Variants in VPS13A observed in about 807,000 individuals in gnomAD.
VPS13A encodes the protein vacuolar protein sorting 13 homolog A.
A neutral mutation model predicts 390.9 loss-of-function variants in VPS13A; 264 were observed. The ratio of observed to expected loss-of-function variants is 0.68; its 90% CI spans 0.61 to 0.75. The LOEUF (loss-of-function observed/expected upper bound fraction) is 0.75, where lower values mean the gene tolerates loss of function less well. Ranked by LOEUF, VPS13A falls within the 30% of genes least tolerant of loss-of-function variation. The pLI, the probability that VPS13A is intolerant of heterozygous loss-of-function variation, is 0.00. For missense variants in VPS13A, 3,409 were observed against 3,733.9 expected (o/e 0.91, Z 2.27); for synonymous variants, 1,231 against 1,227.1 (o/e 1.00, Z -0.07).
intron 67 of VPS13A, among the ~76,000 whole-genome samples, chr9:77,377,590 A>G (rs889177916): frequency 1.3e-5 from 2 of 152,284 alleles, no homozygotes; most frequent in Non-Finnish European, 2.9e-5. Context: ...AGTTTCTGCA[A>G]TCTTACTGAA....
intron 67 of VPS13A, among the ~76,000 whole-genome samples, chr9:77,371,664 T>A (rs1051387939): frequency 1.5e-4 from 23 of 152,044 alleles, no homozygotes; most frequent in East Asian, 5.8e-4. Flanking sequence ...ATTTTTTTTT[T>A]TTATTATTAT....
In VPS13A at chr9:77,379,874, T is replaced by C. The variant is rs1004016069; in HGVS notation, c.9078-2102T>C. ...GACATCTGTTGGGTCTAGTGGATTA[T>C]AGTGTTATTCAAGTTCTCTTTTTTC... On this transcript the variant is annotated intron_variant, in intron 67 of 71. Coordinates refer to ENST00000360280, the MANE Select transcript of VPS13A (RefSeq NM_033305.3). 2.6e-5 allele frequency among the ~76,000 whole-genome samples: 4 copies of C among 152,222 alleles called. No homozygotes were observed. The East Asian group carries it at 7.7e-4, about 29-fold the overall frequency.
rs745347118 is a variant in VPS13A, at chr9:77,351,439, A to G, written c.7412A>G (p.Gln2471Arg). ...AGAAAAAGCCATGGTGAAGTAACAC[A>G]GAAGGATGTAAGTATTGGGTTATTA... ...RCRKSHGEVT[Q>R]KDDMMMPIDL... The change falls in exon 53 of 72, where the codon CAG becomes CGG. Residue 2471 changes from glutamine (Q) to arginine (R), a missense_variant. Physicochemically the swap from Gln to Arg is conservative, Grantham distance 43. Transcript: ENST00000360280. 1.2e-6 allele frequency: 2 copies of G among 1,613,378 alleles called. No individual in the cohort carries two copies. The highest frequency in any genetic ancestry group is 1.7e-6 in the Non-Finnish European group (2 of 1,179,484).
chr9:77,201,527 G>A (rs1485863866), intron 3 of VPS13A, 120 bp downstream of exon 3: 1 of 951,450 alleles, frequency 1.1e-6, no homozygotes, highest in African/African-American at 1.6e-5. Context: ...AAATAATCAT[G>A]TGTTTTTGTC....
At chr9:77,306,123 A>G (rs1454515344) in intron 34 of VPS13A, among the ~76,000 whole-genome samples, 1 of 152,232 alleles carries the variant, frequency 6.6e-6, no homozygotes, top group African/African-American at 2.4e-5. Flanking sequence ...GAAGGAATGA[A>G]AGCTTAAAAA....
chr9:77,206,128 C>T, intron 5 of VPS13A, 49 bp downstream of exon 5: 1 of 1,219,124 alleles, frequency 8.2e-7, no homozygotes, highest in South Asian at 1.4e-5. Flanking sequence ...TAGAAAAGAC[C>T]TAAATATTTA....
intron 46 of VPS13A, among the ~76,000 whole-genome samples, chr9:77,334,224 T>C (rs929728281): frequency 6.6e-6 from 1 of 152,324 alleles, no homozygotes; most frequent in African/African-American, 2.4e-5. Flanking sequence ...TGTTGGAAGA[T>C]AAAATTTGAA....
intron 45 of VPS13A, among the ~76,000 whole-genome samples, chr9:77,328,835 G>A (rs1000816476): frequency 1.3e-5 from 2 of 152,160 alleles, no homozygotes; most frequent in Admixed American, 1.3e-4. Context: ...TCATACTGCT[G>A]TAAAGAACTG....
chr9:77,274,103 A>G (rs912224743), intron 24 of VPS13A, among the ~76,000 whole-genome samples: 7 of 152,302 alleles, frequency 4.6e-5, no homozygotes, highest in Non-Finnish European at 1.0e-4. Flanking sequence ...TGCTTTTGCA[A>G]TGGGATTTTT....
At chr9:77,398,422 T>C (rs1056914336) in intron 68 of VPS13A, among the ~76,000 whole-genome samples, 1 of 152,202 alleles carries the variant, frequency 6.6e-6, no homozygotes, top group Admixed American at 6.5e-5. Context: ...AATTTAGATT[T>C]AGAAGATTCA....
intron 42 of VPS13A, 124 bp from the exon 43 acceptor site, chr9:77,321,045 A>G (rs1026637518): frequency 2.8e-5 from 25 of 880,924 alleles, no homozygotes; most frequent in African/African-American, 1.4e-4. Flanking sequence ...CAATAAGGCA[A>G]TAGAACTTAC....
At chr9:77,347,540 G>C (rs1474486300) in intron 52 of VPS13A, among the ~76,000 whole-genome samples, 1 of 151,932 alleles carries the variant, frequency 6.6e-6, no homozygotes, top group Non-Finnish European at 1.5e-5. Flanking sequence ...GCAGTGGTGC[G>C]ATCCAGGCTC....
At chr9:77,366,934 A>AAT in intron 61 of VPS13A, 62 bp downstream of exon 61, 1 of 1,556,774 alleles carries the variant, frequency 6.4e-7, no homozygotes, top group South Asian at 1.2e-5. Context: ...TGTCCCTAAA[A>AAT]ATTTCGTAAA....
chr9:77,273,606 GA>G (rs1826478779), intron 24 of VPS13A, among the ~76,000 whole-genome samples: 1 of 152,158 alleles, frequency 6.6e-6, no homozygotes, highest in African/African-American at 2.4e-5. Context: ...TCAAGGTGGT[GA>G]TTAAAATTTG....
At chr9:77,282,881 C>G (rs565297958) in intron 29 of VPS13A, among the ~76,000 whole-genome samples, 3 of 151,594 alleles carry the variant, frequency 2.0e-5, no homozygotes, top group South Asian at 2.1e-4. Flanking sequence ...CCCAGGAATT[C>G]AAGGTTGCAG....
rs1473679004 is a variant in VPS13A at position 77,177,580 on chromosome 9, G to C, written c.-125G>C. The C allele has an allele frequency of 2.0e-5, 17 of 841,852 alleles. No individual in the cohort carries two copies. Among genetic ancestry groups the C allele is most frequent in the Middle Eastern group, 3.0e-4 (1 of 3,310 alleles). 52.1% of individuals were successfully genotyped at this position (841,852 alleles called of 1,614,324 possible). On this transcript the variant is annotated 5_prime_UTR_variant, in exon 1 of 72. Coordinates refer to ENST00000360280, the MANE Select transcript of VPS13A (RefSeq NM_033305.3). ...CGCTAGGGCTGCGCGTTGGGCCAGC[G>C]GGGGCGCCGCAGCTGAAGCCGCCCC...
chr9:77,236,413 A>G (rs1444165930), intron 17 of VPS13A, among the ~76,000 whole-genome samples: 1 of 152,086 alleles, frequency 6.6e-6, no homozygotes, highest in Non-Finnish European at 1.5e-5. Context: ...TTAAAACTTG[A>G]TGTTTTGAGT....
At chr9:77,398,424 G>A (rs891944895) in intron 68 of VPS13A, among the ~76,000 whole-genome samples, 2 of 152,184 alleles carry the variant, frequency 1.3e-5, no homozygotes, top group African/African-American at 4.8e-5. Context: ...TTTAGATTTA[G>A]AAGATTCATT....
rs1834008668 is a variant in VPS13A at position 77,393,922 on chromosome 9, C to T, written c.9190-9314C>T. On this transcript the variant is annotated intron_variant, in intron 68 of 71. Transcript: ENST00000360280. Reference sequence around the variant, plus strand: ...TAGCTGGGATTACAGGCGCCTGCCACAACATGGGCTAATTTTCATATTTTT... The same window carrying T: ...TAGCTGGGATTACAGGCGCCTGCCATAACATGGGCTAATTTTCATATTTTT... Among the ~76,000 whole-genome samples the T allele has an allele frequency of 3.3e-5, 5 of 152,104 alleles. No homozygotes were observed. The South Asian group carries it at 1.0e-3, about 31-fold the overall frequency.
Sources: gnomAD v4.1 joint callset for allele counts (sites outside exome capture counted in the v4.1 genomes callset) on GRCh38, gnomAD v4.1.1 for gene constraint, MANE v1.5 for transcripts, NCBI Gene and HGNC (gene_info 2026-07-23, HGNC 2026-07-21) for gene names.